The following TCN2 variants were observed in gnomAD, a reference collection of about 807,000 sequenced individuals.
TCN2 encodes transcobalamin 2, also known as transcobalamin-2.
Under a neutral mutation model 48.6 loss-of-function variants are expected in TCN2, and 34 were observed. That is an observed-to-expected ratio of 0.70 (90% CI 0.53 to 0.93). The LOEUF is 0.93. TCN2 is among the 40% of genes least tolerant of loss of function. The pLI is 0.00. For missense variants in TCN2, 652 were observed against 526.1 expected (o/e 1.24, Z -2.34); for synonymous variants, 283 against 212.5 (o/e 1.33, Z -2.89).
At chr22:30,622,241 C>T (rs1330699642) in intron 7 of TCN2, among the ~76,000 whole-genome samples, 1 of 152,098 alleles carries the variant, frequency 6.6e-6, no homozygotes, top group African/African-American at 2.4e-5. Context: ...CCTGCCTTGG[C>T]CTCCCAAAGT....
At position 30,617,421 on chromosome 22, in the gene TCN2, A is replaced by C; in HGVS notation, c.1032A>C (p.Arg344Ser). The part of the protein sequence containing the change: ...LQVLSLLPPY[R>S]QSISVLAGST... ...TGCTTAGTCTCTTGCCGCCGTACAG[A>C]CAGTCCATCTCTGTTCTGGCCGGGT... Residue 344 changes from arginine to serine, a missense_variant, in exon 7 of 9, where the codon AGA becomes AGC. Coordinates refer to ENST00000215838, the MANE Select transcript of TCN2 (RefSeq NM_000355.4). 1 of 1,614,102 alleles carries C rather than the reference A, an allele frequency of 6.2e-7. No homozygotes were observed. The highest frequency in any genetic ancestry group is 8.5e-7 in the Non-Finnish European group (1 of 1,180,012).
chr22:30,621,324 A>C (rs903407791), intron 7 of TCN2, among the ~76,000 whole-genome samples: 7 of 152,042 alleles, frequency 4.6e-5, no homozygotes, highest in Admixed American at 2.6e-4. Flanking sequence ...AATCCCTCTA[A>C]GACTGCAACC....
At chr22:30,623,257 G>A in intron 8 of TCN2, 174 bp downstream of exon 8, 1 of 557,166 alleles carries the variant, frequency 1.8e-6, no homozygotes, top group Non-Finnish European at 3.1e-6. Context: ...GAATTTTTAT[G>A]CAAGTTACTG....
chr22:30,612,723 A>G, intron 2 of TCN2, 150 bp from the exon 3 acceptor site: 1 of 910,332 alleles, frequency 1.1e-6, no homozygotes, highest in Non-Finnish European at 1.7e-6. Context: ...CCTCACAACA[A>G]CATAGCCAAC....
chr22:30,609,257 C>A (rs4820880), intron 1 of TCN2, among the ~76,000 whole-genome samples: 5,389 of 151,908 alleles, frequency 0.035, 124 homozygotes, highest in Middle Eastern at 0.058. Context: ...CCCACCTTGG[C>A]CTCCCAAACT....
In TCN2 at chr22:30,623,719, CACAT is replaced by C. The variant is rs1461707953; in HGVS notation, c.1222+638_1222+641del. Among the ~76,000 whole-genome samples the C allele has an allele frequency of 5.6e-4, 78 of 139,080 alleles. 3 individuals carry two copies. Among genetic ancestry groups the C allele is most frequent in the African/African-American group, 2.1e-3 (74 of 34,774 alleles). 91.2% of individuals were successfully genotyped at this position (139,080 alleles called of 152,430 possible). On this transcript the variant is annotated intron_variant, in intron 8 of 8. Transcript: ENST00000215838. Reference sequence around the variant, plus strand: ...TATGAAATATATATATATACAGACACACATATATATGTATACATATATATACACA... The same window carrying C: ...TATGAAATATATATATATACAGACACATATATGTATACATATATATACACA...
chr22:30,615,638 G>A lies in TCN2; in HGVS notation c.791G>A (p.Gly264Glu), dbSNP rs2087602306. ...TCCCCCATGCGTGGGGCAGAACTGGGAACAGCATGTCTCAAGGCGAGGGTT... is the reference window on the plus strand; with the variant it reads ...TCCCCCATGCGTGGGGCAGAACTGGAAACAGCATGTCTCAAGGCGAGGGTT... ...MTSPMRGAELGTACLKARVAL... is the reference protein window; with the variant it reads ...MTSPMRGAELETACLKARVAL... Residue 264 changes from glycine (G) to glutamate (E), a missense_variant, in exon 6 of 9, where the codon GGA (glycine) becomes GAA (glutamate). Coordinates refer to ENST00000215838, the MANE Select transcript of TCN2 (RefSeq NM_000355.4). The A allele has an allele frequency of 6.2e-7, 1 of 1,614,108 alleles. No homozygotes were observed. The highest frequency in any genetic ancestry group is 2.2e-5 in the East Asian group (1 of 44,882).
rs1255333385 is a variant in TCN2 at position 30,612,912 on chromosome 22, G to A, written c.297G>A (p.Lys99=). The A allele has an allele frequency of 6.2e-7, 1 of 1,614,186 alleles. No individual in the cohort carries two copies. Among genetic ancestry groups the A allele is most frequent in the Admixed American group, 1.7e-5 (1 of 60,016 alleles). The change falls in exon 3 of 9, where the codon AAG becomes AAA. Residue 99 remains lysine, a synonymous_variant. Transcript: ENST00000215838. ...AGGATGACGGTGACTGCCAGGGCAA[G>A]CCTTCCATGGGCCAGCTGGCCCTCT... ...FSEDDGDCQG[K]PSMGQLALYL...
chr22:30,615,211 C>CATAGCT (rs2087594075), intron 4 of TCN2, 90 bp from the exon 5 acceptor site: 1 of 1,417,944 alleles, frequency 7.1e-7, no homozygotes. Flanking sequence ...TGTGGTTGTC[C>CATAGCT]ATAGCTACAA....
chr22:30,610,410 G>A (rs1382614790), intron 1 of TCN2: 2 of 407,406 alleles, frequency 4.9e-6, no homozygotes, highest in Non-Finnish European at 1.0e-5. Context: ...CCAAAGAGCG[G>A]GGGCTTTGCA....
chr22:30,623,055 C>G lies in TCN2; in HGVS notation c.1194C>G (p.Leu398=), dbSNP rs745933679. 1 of 1,614,024 alleles carries G rather than the reference C, an allele frequency of 6.2e-7. No homozygotes were observed. Residue 398 remains leucine (L), a synonymous_variant, in exon 8 of 9, where the codon CTC becomes CTG. Transcript: ENST00000215838. The part of the protein sequence containing the change: ...AAGEREFWQL[L]RDPNTPLLQG... Reference sequence around the variant, plus strand: ...GAGAAAGGGAGTTCTGGCAGCTTCTCCGAGACCCCAACACCCCACTGTTGC... The same window carrying G: ...GAGAAAGGGAGTTCTGGCAGCTTCTGCGAGACCCCAACACCCCACTGTTGC...
Position 30,623,919 on chromosome 22 carries a change from T to TGTATACATATATACACAC in TCN2, c.1222+836_1222+837insGTATACATATATACACAC. Among the ~76,000 whole-genome samples the TGTATACATATATACACAC allele has an allele frequency of 1.7e-4, 2 of 11,930 alleles. 1 individual carries two copies. Among genetic ancestry groups the TGTATACATATATACACAC allele is most frequent in the East Asian group, 1.5e-3 (2 of 1,298 alleles). The allele number at this position is 11,930 out of a possible 152,430, so 7.8% of individuals were successfully genotyped here. A position where few individuals can be genotyped will look rare whatever the true frequency, so the allele number is the denominator to read the frequency against. ...ATATGTATACATATATATACACACATATATATGTATACATATATACACACA... is the reference window on the plus strand; with the variant it reads ...ATATGTATACATATATATACACACATGTATACATATATACACACATATATGTATACATATATACACACA... On this transcript the variant is annotated intron_variant, in intron 8 of 8. Coordinates refer to ENST00000215838, the MANE Select transcript of TCN2 (RefSeq NM_000355.4).
intron 8 of TCN2, 88 bp downstream of exon 8, chr22:30,623,171 A>G: frequency 1.5e-6 from 2 of 1,320,998 alleles, no homozygotes; most frequent in Non-Finnish European, 2.2e-6. Context: ...AGCTTTCCCT[A>G]GCACCCTCCT....
intron 1 of TCN2, among the ~76,000 whole-genome samples, chr22:30,609,043 C>T (rs556864198): frequency 6.6e-6 from 1 of 152,124 alleles, no homozygotes. Context: ...GGAAGGATCC[C>T]ATGACACCTG....
At chr22:30,618,744 CAG>C (rs1259064287) in intron 7 of TCN2, among the ~76,000 whole-genome samples, 2 of 152,092 alleles carry the variant, frequency 1.3e-5, no homozygotes, top group African/African-American at 2.4e-5. Flanking sequence ...ATCCAAGTAA[CAG>C]GGACTACAGG....
intron 6 of TCN2, among the ~76,000 whole-genome samples, 163 bp from the exon 7 acceptor site, chr22:30,617,167 G>A (rs1009715099): frequency 6.6e-6 from 1 of 152,084 alleles, no homozygotes; most frequent in South Asian, 2.1e-4. Flanking sequence ...AGGGGAGGCC[G>A]GGATGGAAGC....
intron 1 of TCN2, chr22:30,610,244 G>GT (rs780782354): frequency 3.6e-5 from 17 of 471,188 alleles, no homozygotes; most frequent in South Asian, 2.5e-4. Context: ...GAGATGGCAG[G>GT]AAAGGCGTTA....
intron 7 of TCN2, among the ~76,000 whole-genome samples, chr22:30,622,724 T>C: frequency 6.6e-6 from 1 of 152,172 alleles, no homozygotes; most frequent in Non-Finnish European, 1.5e-5. Flanking sequence ...GATGCCCCTT[T>C]CCTGGAGGCC....
intron 7 of TCN2, among the ~76,000 whole-genome samples, chr22:30,619,868 C>CT (rs1228461055): frequency 6.6e-6 from 1 of 152,102 alleles, no homozygotes; most frequent in African/African-American, 2.4e-5. Context: ...AATATAAAGT[C>CT]TTTGGCCAGA....
Sources: gnomAD v4.1 joint callset for allele counts (sites outside exome capture counted in the v4.1 genomes callset) on GRCh38, gnomAD v4.1.1 for gene constraint, MANE v1.5 for transcripts, NCBI Gene and HGNC (gene_info 2026-07-23, HGNC 2026-07-21) for gene names.